The following SLC24A2 variants were observed in gnomAD, a reference collection of about 807,000 sequenced individuals.
SLC24A2 encodes the protein sodium/potassium/calcium exchanger 2.
In SLC24A2, 36 loss-of-function variants were observed where a neutral mutation model predicts 62.0. The ratio of observed to expected loss-of-function variants is 0.58; its 90% confidence interval spans 0.44 to 0.77. SLC24A2 has a LOEUF of 0.77. Ranked by LOEUF, SLC24A2 falls within the 30% of genes least tolerant of loss-of-function variation. The probability of loss-of-function intolerance (pLI) is 0.00; values close to 1 mark genes in which losing one functional copy is unlikely to be tolerated. For synonymous variants in SLC24A2, 358 were observed against 294.0 expected (o/e 1.22, Z -2.23); for missense variants, 846 against 817.9 (o/e 1.03, Z -0.42).
the SLC24A2 span, among the ~76,000 whole-genome samples, chr9:20,065,019 T>A: frequency 6.6e-6 from 1 of 152,224 alleles, no homozygotes; most frequent in Non-Finnish European, 1.5e-5. Context: ...ACTGGCAATC[T>A]GTGTGATTCC....
chr9:19,849,713 C>T, the SLC24A2 span, among the ~76,000 whole-genome samples: 1 of 152,222 alleles, frequency 6.6e-6, no homozygotes, highest in African/African-American at 2.4e-5. Context: ...TGTCATGTAT[C>T]CAACTAAACG....
chr9:19,515,788 G>C lies in SLC24A2; in HGVS notation c.*365C>G, dbSNP rs1832897891. The C allele has an allele frequency of 3.2e-6, 1 of 315,662 alleles. No homozygotes were observed. The highest frequency in any genetic ancestry group is 4.2e-5 in the Admixed American group (1 of 24,090). The allele number at this position is 315,662 out of a possible 1,614,324, so 19.6% of individuals were successfully genotyped here. On this transcript the variant is annotated 3_prime_UTR_variant, in exon 11 of 11. Transcript: ENST00000341998. ...AGAGGTATAGTACAGGAACAGGCAG[G>C]ATTTGTGTGTTCATGTGCGTATATT...
At chr9:19,792,568 T>C (rs937786716), upstream of SLC24A2, among the ~76,000 whole-genome samples, 17 of 130,074 alleles carry the variant, frequency 1.3e-4, no homozygotes, top group East Asian at 3.5e-3. Context: ...AAATGCTGGG[T>C]GTGGTGGCAG....
chr9:20,101,475 C>T, the SLC24A2 span, among the ~76,000 whole-genome samples: 1 of 152,160 alleles, frequency 6.6e-6, no homozygotes, highest in African/African-American at 2.4e-5. Flanking sequence ...TTAAAACAGC[C>T]TCCTTAGTTA....
the SLC24A2 span, among the ~76,000 whole-genome samples, chr9:19,828,869 A>C: frequency 6.6e-6 from 1 of 152,146 alleles, no homozygotes; most frequent in Non-Finnish European, 1.5e-5. Flanking sequence ...GCTCAGGCTC[A>C]GAGAAGCCTT....
the SLC24A2 span, among the ~76,000 whole-genome samples, chr9:19,907,224 A>G: frequency 5.3e-5 from 8 of 152,220 alleles, no homozygotes; most frequent in African/African-American, 1.9e-4. Flanking sequence ...AATGACAAAA[A>G]CCATATGATT....
the SLC24A2 span, among the ~76,000 whole-genome samples, chr9:20,165,346 G>T: frequency 1.1e-3 from 169 of 151,762 alleles, no homozygotes; most frequent in African/African-American, 3.7e-3. Context: ...ATATAAAATA[G>T]CTAGGAAAAT....
At chr9:19,799,756 C>T in the SLC24A2 span, among the ~76,000 whole-genome samples, 1 of 152,258 alleles carries the variant, frequency 6.6e-6, no homozygotes, top group Non-Finnish European at 1.5e-5. Context: ...CTATTCAGTC[C>T]ACTTTGGTCA....
chr9:20,263,868 C>CT, the SLC24A2 span, among the ~76,000 whole-genome samples: 1 of 111,368 alleles, frequency 9.0e-6, no homozygotes, highest in Admixed American at 9.8e-5. Context: ...CCCGCCCCCC[C>CT]CCCCCCATTA....
chr9:19,740,845 T>A (rs1036624975), intron 2 of SLC24A2, among the ~76,000 whole-genome samples: 23 of 148,516 alleles, frequency 1.5e-4, no homozygotes, highest in Admixed American at 1.2e-3. Context: ...TTGTGTATAT[T>A]TGAAATTTTC....
the SLC24A2 span, among the ~76,000 whole-genome samples, chr9:20,157,153 C>G: frequency 6.6e-6 from 1 of 151,532 alleles, no homozygotes; most frequent in East Asian, 1.9e-4. Context: ...ACAGAAGAAA[C>G]ACAAAACACA....
chr9:19,698,675 G>C (rs1162554483), intron 2 of SLC24A2, among the ~76,000 whole-genome samples: 1 of 152,174 alleles, frequency 6.6e-6, no homozygotes, highest in Non-Finnish European at 1.5e-5. Context: ...AGAAACAAAA[G>C]AAATTTGCTT....
At chr9:19,610,506 G>A (rs988298185) in intron 4 of SLC24A2, among the ~76,000 whole-genome samples, 1 of 152,204 alleles carries the variant, frequency 6.6e-6, no homozygotes, top group African/African-American at 2.4e-5. Context: ...GAAGAACAAA[G>A]CATTTGGATG....
the SLC24A2 span, among the ~76,000 whole-genome samples, chr9:19,895,266 C>T: frequency 7.3e-4 from 110 of 150,822 alleles, 2 homozygotes; most frequent in Admixed American, 7.3e-3. Flanking sequence ...AATTGGGGGC[C>T]AAAAATAAAA....
chr9:19,664,061 G>T (rs1021895123), intron 2 of SLC24A2, among the ~76,000 whole-genome samples: 7 of 151,978 alleles, frequency 4.6e-5, no homozygotes, highest in African/African-American at 1.7e-4. Flanking sequence ...AACATGGATG[G>T]GTTTCCTCAA....
chr9:19,528,452 T>G (rs1833537877), intron 8 of SLC24A2, among the ~76,000 whole-genome samples: 1 of 152,174 alleles, frequency 6.6e-6, no homozygotes, highest in Non-Finnish European at 1.5e-5. Flanking sequence ...AAGGCCTGGT[T>G]TTTTGGCCTT....
chr9:20,036,851 T>A, the SLC24A2 span, among the ~76,000 whole-genome samples: 1 of 151,902 alleles, frequency 6.6e-6, no homozygotes. Flanking sequence ...TATATATGTG[T>A]GTGTGTATAT....
chr9:19,671,555 T>G (rs2118320686), intron 2 of SLC24A2, among the ~76,000 whole-genome samples: 1 of 152,266 alleles, frequency 6.6e-6, no homozygotes, highest in African/African-American at 2.4e-5. Context: ...TTTCTTTCTC[T>G]TATCTGATTG....
chr9:20,254,776 C>T, the SLC24A2 span, among the ~76,000 whole-genome samples: 1 of 152,096 alleles, frequency 6.6e-6, no homozygotes, highest in Admixed American at 6.5e-5. Flanking sequence ...TAAAGAAATA[C>T]CCAAGACTGG....
Sources: gnomAD v4.1 joint callset for allele counts (sites outside exome capture counted in the v4.1 genomes callset) on GRCh38, gnomAD v4.1.1 for gene constraint, MANE v1.5 for transcripts, NCBI Gene and HGNC (gene_info 2026-07-23, HGNC 2026-07-21) for gene names.